The following CPNE4 variants were observed in gnomAD, a reference collection of about 807,000 sequenced individuals.
The protein encoded by CPNE4 is copine 4, also known as copine-4.
Under a neutral mutation model 67.9 loss-of-function variants are expected in CPNE4, and 25 were observed. The ratio of observed to expected loss-of-function variants is 0.37; its 90% CI spans 0.27 to 0.51. The LOEUF (loss-of-function observed/expected upper bound fraction) is 0.51, where lower values mean the gene tolerates loss of function less well. Ranked by LOEUF, CPNE4 falls within the 20% of genes least tolerant of loss-of-function variation. The pLI, the probability that CPNE4 is intolerant of heterozygous loss-of-function variation, is 0.93. For missense variants in CPNE4, 464 were observed against 690.8 expected (o/e 0.67, Z 3.68); for synonymous variants, 242 against 244.9 (o/e 0.99, Z 0.11).
chr3:131,978,460 ATATATATT>A (rs1252511355), intron 1 of CPNE4, among the ~76,000 whole-genome samples: 1 of 19,364 alleles, frequency 5.2e-5, no homozygotes, highest in Non-Finnish European at 8.9e-5. Context: ...ATATATATTT[ATATATATT>A]TATATATTTA....
In CPNE4 at chr3:132,001,551, AAG is replaced by A. The variant is rs1401039890; in HGVS notation, c.-2+33014_-2+33015del. ...GAGAGAAAGAAAGAGACAAAGAAAA[AAG>A]AGAAAGAAAGAAAGAAAGAAAGAAA... is the stretch of plus-strand genomic sequence containing the variant. On this transcript the variant is annotated intron_variant, in intron 1 of 15. Coordinates refer to ENST00000429747, the MANE Select transcript of CPNE4 (RefSeq NM_130808.3). 5.4e-3 allele frequency among the ~76,000 whole-genome samples: 500 copies of A among 91,794 alleles called. 6 individuals are homozygous for A. Among genetic ancestry groups the A allele is most frequent in the African/African-American group, 0.019 (478 of 25,042 alleles). The allele number at this position is 91,794 out of a possible 152,430, so 60.2% of individuals were successfully genotyped here. A position where few individuals can be genotyped will look rare whatever the true frequency, so the allele number is the denominator to read the frequency against.
chr3:131,619,861 C>T (rs1005652404), intron 7 of CPNE4, among the ~76,000 whole-genome samples: 1 of 152,076 alleles, frequency 6.6e-6, no homozygotes, highest in Admixed American at 6.5e-5. Context: ...GTCACACTGC[C>T]TTGAGAAAAG....
At chr3:131,544,220 G>A (rs978333184) in intron 14 of CPNE4, among the ~76,000 whole-genome samples, 8 of 152,156 alleles carry the variant, frequency 5.3e-5, no homozygotes, top group African/African-American at 1.7e-4. Flanking sequence ...GCCATTCCAC[G>A]TTACCATACT....
chr3:131,853,587 AC>A (rs2086321393), intron 2 of CPNE4, among the ~76,000 whole-genome samples: 1 of 151,872 alleles, frequency 6.6e-6, no homozygotes, highest in Admixed American at 6.6e-5. Flanking sequence ...TCAAAGTTTA[AC>A]CAAACTTTTT....
At chr3:131,913,015 T>C (rs1037781681) in intron 1 of CPNE4, among the ~76,000 whole-genome samples, 1 of 152,064 alleles carries the variant, frequency 6.6e-6, no homozygotes, top group African/African-American at 2.4e-5. Context: ...AGATGCAAGA[T>C]AACACAGGGG....
At chr3:131,771,227 T>C (rs1160542496) in intron 2 of CPNE4, among the ~76,000 whole-genome samples, 1 of 152,166 alleles carries the variant, frequency 6.6e-6, no homozygotes, top group Non-Finnish European at 1.5e-5. Flanking sequence ...TAAAATTTTA[T>C]TTTGTTTCTA....
intron 2 of CPNE4, among the ~76,000 whole-genome samples, chr3:131,872,658 CGTAAGACTAA>C (rs2087266667): frequency 1.3e-5 from 2 of 152,182 alleles, no homozygotes; most frequent in Non-Finnish European, 2.9e-5. Flanking sequence ...TTGAACATCA[CGTAAGACTAA>C]GTATAAAAAG....
intron 12 of CPNE4, among the ~76,000 whole-genome samples, chr3:131,553,443 C>T (rs944208965): frequency 6.6e-6 from 1 of 152,024 alleles, no homozygotes; most frequent in African/African-American, 2.4e-5. Context: ...GCCTGCCTTG[C>T]TTGCCCAAGT....
At chr3:131,675,131 T>A (rs1464452101) in intron 6 of CPNE4, among the ~76,000 whole-genome samples, 1 of 152,150 alleles carries the variant, frequency 6.6e-6, no homozygotes, top group Non-Finnish European at 1.5e-5. Context: ...AAAATCCCTC[T>A]TGTTATTGAT....
At chr3:131,673,530 T>G (rs544724744) in intron 6 of CPNE4, among the ~76,000 whole-genome samples, 1 of 152,202 alleles carries the variant, frequency 6.6e-6, no homozygotes, top group Non-Finnish European at 1.5e-5. Flanking sequence ...TTTACTGTTT[T>G]CATTGTAGAG....
chr3:131,544,300 T>C (rs527497376), intron 14 of CPNE4, among the ~76,000 whole-genome samples: 2 of 152,302 alleles, frequency 1.3e-5, no homozygotes, highest in East Asian at 3.9e-4. Flanking sequence ...ATATACTTAA[T>C]GTTGCAAATA....
chr3:132,000,939 A>G (rs1271362135), intron 1 of CPNE4, among the ~76,000 whole-genome samples: 1 of 151,964 alleles, frequency 6.6e-6, no homozygotes, highest in Non-Finnish European at 1.5e-5. Flanking sequence ...TACTAGAATC[A>G]ATCACATTTT....
rs376637127 is a variant in CPNE4 at position 131,994,349 on chromosome 3, C to A, written c.-2+40218G>T. On this transcript the variant is annotated intron_variant, in intron 1 of 15. Coordinates refer to ENST00000429747, the MANE Select transcript of CPNE4 (RefSeq NM_130808.3). ...CTTACGTAAGAGAAATAAAAGATAA[C>A]CCCAAACTTCAAGTATAATGAAATT... 3.7e-5 allele frequency among the ~76,000 whole-genome samples: 5 copies of A among 135,178 alleles called. 2 individuals are homozygous for A. In the Admixed American group the frequency reaches 4.2e-4, roughly 11 times the overall value. The allele number at this position is 135,178 out of a possible 152,430, so 88.7% of individuals were successfully genotyped here. A position where few individuals can be genotyped will look rare whatever the true frequency, so the allele number is the denominator to read the frequency against.
chr3:131,751,340 A>AT (rs1435416295), intron 2 of CPNE4, among the ~76,000 whole-genome samples: 6 of 151,574 alleles, frequency 4.0e-5, no homozygotes, highest in African/African-American at 1.5e-4. Flanking sequence ...TTTTCAATCT[A>AT]TTTTTTTCTC....
intron 6 of CPNE4, 73 bp downstream of exon 6, chr3:131,685,802 A>G (rs1170314848): frequency 6.0e-6 from 6 of 995,768 alleles, no homozygotes; most frequent in Non-Finnish European, 9.3e-6. Context: ...ACACACAAAA[A>G]GGAGTTTCTC....
chr3:131,669,614 G>A (rs1256215536), intron 7 of CPNE4, 61 bp downstream of exon 7: 27 of 1,365,142 alleles, frequency 2.0e-5, no homozygotes, highest in Non-Finnish European at 2.7e-5. Flanking sequence ...ATTTTGAAAA[G>A]AAATAGGAAG....
At chr3:131,626,035 A>G (rs1266786948) in intron 7 of CPNE4, among the ~76,000 whole-genome samples, 1 of 152,194 alleles carries the variant, frequency 6.6e-6, no homozygotes, top group Non-Finnish European at 1.5e-5. Flanking sequence ...CTGTGTCCCT[A>G]TAAGACAGTG....
At chr3:131,713,256 G>C (rs2081602968) in intron 3 of CPNE4, among the ~76,000 whole-genome samples, 2 of 152,162 alleles carry the variant, frequency 1.3e-5, no homozygotes, top group African/African-American at 4.8e-5. Context: ...ATATGGAAAA[G>C]GGCCTGTGTT....
In CPNE4 at chr3:131,611,343, T is replaced by C. The variant is rs531427352; in HGVS notation, c.682-23761A>G. 3.9e-5 allele frequency among the ~76,000 whole-genome samples: 6 copies of C among 152,196 alleles called. No individual in the cohort carries two copies. The East Asian group carries it at 7.7e-4, about 20-fold the overall frequency. On this transcript the variant is annotated intron_variant, in intron 7 of 15. Transcript: ENST00000429747. ...CCTTATTTATAATAGTGCCCAAGAG[T>C]AATATGTAATTAACTTCATGACTGA...
Sources: gnomAD v4.1 joint callset for allele counts (sites outside exome capture counted in the v4.1 genomes callset) on GRCh38, gnomAD v4.1.1 for gene constraint, MANE v1.5 for transcripts, NCBI Gene and HGNC (gene_info 2026-07-23, HGNC 2026-07-21) for gene names.